CRISP2: variants seen among roughly 807,000 people sequenced by gnomAD.
The protein encoded by CRISP2 is cysteine rich secretory protein 2, also known as cysteine-rich secretory protein 2.
CRISP2 carries 29 observed loss-of-function variants against 31.7 expected under a neutral mutation model. The ratio of observed to expected loss-of-function variants is 0.92; its 90% CI spans 0.68 to 1.25. The LOEUF is 1.25. Among genes scored for constraint, CRISP2 ranks in the 50% most tolerant of loss-of-function variants. CRISP2 has a pLI of 0.00. For synonymous variants in CRISP2, 111 were observed against 101.4 expected (o/e 1.09, Z -0.57); for missense variants, 318 against 286.5 (o/e 1.11, Z -0.79).
intron 4 of CRISP2, among the ~76,000 whole-genome samples, chr6:49,701,401 G>A (rs769137188): frequency 4.7e-5 from 7 of 149,752 alleles, no homozygotes; most frequent in South Asian, 2.1e-4. Context: ...TCTGAGTTAC[G>A]TCACTTGGAA....
downstream of CRISP2, among the ~76,000 whole-genome samples, chr6:49,688,802 A>G (rs139410965): frequency 3.8e-3 from 577 of 152,302 alleles, 1 homozygote; most frequent in African/African-American, 0.013. Context: ...CAGTTACATT[A>G]TCTTTATAGT....
the CRISP2 span, among the ~76,000 whole-genome samples, chr6:49,682,619 CTTT>C: frequency 4.5e-4 from 32 of 70,526 alleles, no homozygotes; most frequent in South Asian, 0.018. Flanking sequence ...TTCTTTCTTT[CTTT>C]CTTTCTTTCT....
At chr6:49,692,978 G>A in intron 9 of CRISP2, 78 bp from the exon 10 acceptor site, 1 of 1,462,860 alleles carries the variant, frequency 6.8e-7, no homozygotes, top group African/African-American at 1.4e-5. Flanking sequence ...AGTGTGTGGG[G>A]AGGGGGTAGG....
intron 5 of CRISP2, among the ~76,000 whole-genome samples, chr6:49,700,278 A>G (rs1406857657): frequency 2.0e-5 from 3 of 152,148 alleles, no homozygotes; most frequent in Non-Finnish European, 2.9e-5. Context: ...CATTGCTTTC[A>G]TATCGGAGAT....
Position 49,698,460 on chromosome 6 carries a change from A to G in CRISP2, c.319T>C (p.Trp107Arg), listed in dbSNP as rs201729566. The G allele has an allele frequency of 1.1e-5, 17 of 1,613,398 alleles. No individual in the cohort carries two copies. The East Asian group carries it at 3.6e-4, about 34-fold the overall frequency. Residue 107 changes from tryptophan (W) to arginine (R), a missense_variant, in exon 7 of 10, where the codon TGG becomes CGG. Coordinates refer to ENST00000339139, the MANE Select transcript of CRISP2 (RefSeq NM_003296.4). ...TACCAGCTTTGGATTGCAGAAGACCAGGAAGTAGGGTCACTTGACATATAG... is the reference window on the plus strand; with the variant it reads ...TACCAGCTTTGGATTGCAGAAGACCGGGAAGTAGGGTCACTTGACATATAG... ...NLYMSSDPTS[W>R]SSAIQSWYDE...
rs1315873992 is a variant in CRISP2 at position 49,701,509 on chromosome 6, T to TACAC, written c.67-726_67-725insGTGT. On this transcript the variant is annotated intron_variant, in intron 4 of 9. Transcript: ENST00000339139. ...ACGTGTGTGTGTGTGTGTATATATATATATATATATATATATACACACACA... is the reference window on the plus strand; with the variant it reads ...ACGTGTGTGTGTGTGTGTATATATATACACATATATATATATATATACACACACA... 3.9e-5 allele frequency among the ~76,000 whole-genome samples: 5 copies of TACAC among 127,192 alleles called. 1 individual carries two copies. Among genetic ancestry groups the TACAC allele is most frequent in the Non-Finnish European group, 6.4e-5 (4 of 62,326 alleles). 83.4% of individuals were successfully genotyped at this position (127,192 alleles called of 152,430 possible). A position where few individuals can be genotyped will look rare whatever the true frequency, so the allele number is the denominator to read the frequency against.
At chr6:49,682,640 TTTC>T in the CRISP2 span, among the ~76,000 whole-genome samples, 25 of 74,926 alleles carry the variant, frequency 3.3e-4, no homozygotes, top group African/African-American at 7.5e-4. Context: ...TCTTTCTTTC[TTTC>T]TTCTTTCTTT....
At chr6:49,681,127 G>A in the CRISP2 span, among the ~76,000 whole-genome samples, 5 of 152,062 alleles carry the variant, frequency 3.3e-5, no homozygotes, top group African/African-American at 4.8e-5. Flanking sequence ...ATAGTTTTGG[G>A]TTTTACATTT....
chr6:49,686,588 C>A, the CRISP2 span, among the ~76,000 whole-genome samples: 1 of 152,208 alleles, frequency 6.6e-6, no homozygotes, highest in Non-Finnish European at 1.5e-5. Flanking sequence ...AATAGGAACA[C>A]TTTTACACTG....
At chr6:49,690,605 T>C (rs1764019404), downstream of CRISP2, among the ~76,000 whole-genome samples, 1 of 152,098 alleles carries the variant, frequency 6.6e-6, no homozygotes, top group Admixed American at 6.6e-5. Context: ...ATCATAATGT[T>C]CACTGAAAAT....
chr6:49,709,947 T>A (rs945558852), intron 3 of CRISP2, among the ~76,000 whole-genome samples: 1 of 152,210 alleles, frequency 6.6e-6, no homozygotes, highest in African/African-American at 2.4e-5. Flanking sequence ...TTTCTCAATA[T>A]GTCAAAAAGT....
intron 3 of CRISP2, 128 bp downstream of exon 3, chr6:49,711,157 A>G (rs1767941020): frequency 6.9e-6 from 1 of 145,452 alleles, no homozygotes; most frequent in Non-Finnish European, 1.5e-5. Context: ...AAACAAACAA[A>G]CAAACAGACA....
At chr6:49,690,284 C>T (rs1764008815), downstream of CRISP2, among the ~76,000 whole-genome samples, 1 of 151,992 alleles carries the variant, frequency 6.6e-6, no homozygotes, top group Non-Finnish European at 1.5e-5. Flanking sequence ...ACAGGTTTCT[C>T]CTGGGGTAAC....
In CRISP2 at chr6:49,697,862, A is replaced by G; in HGVS notation, c.513T>C (p.Pro171=). ...LKYYYVCQYC[P]AGNNMNRKNT... ...TAAACTCTAAACAGTCTACTTACGC[A>G]GGACAATATTGGCAAACATAGTAGT... The change falls in exon 8 of 10, where the codon CCT becomes CCC. Residue 171 remains proline, a splice_region_variant and synonymous_variant. Coordinates refer to ENST00000339139, the MANE Select transcript of CRISP2 (RefSeq NM_003296.4). 3.1e-6 allele frequency: 5 copies of G among 1,611,176 alleles called. No individual in the cohort carries two copies. Among genetic ancestry groups the G allele is most frequent in the Non-Finnish European group, 4.2e-6 (5 of 1,178,050 alleles).
the CRISP2 span, among the ~76,000 whole-genome samples, chr6:49,687,340 G>C: frequency 2.3e-4 from 35 of 152,202 alleles, no homozygotes; most frequent in East Asian, 6.7e-3. Context: ...ATATGAACTA[G>C]CATATGTAGT....
Position 49,695,827 on chromosome 6 carries a change from CA to C in CRISP2, c.604+8del. The stretch of plus-strand genomic sequence containing the variant: ...ATAAATAATAGCAAGCTAATCACTT[CA>C]AACTTACTGCATAGTCCTTTGTCAC... On this transcript the variant is annotated splice_region_variant and intron_variant, in intron 9 of 9. Coordinates refer to ENST00000339139, the MANE Select transcript of CRISP2 (RefSeq NM_003296.4). 2 of 1,588,458 alleles carry C rather than the reference CA, an allele frequency of 1.3e-6. No homozygotes were observed.
chr6:49,680,071 G>A, the CRISP2 span, among the ~76,000 whole-genome samples: 22,568 of 152,062 alleles, frequency 0.15, 1,750 homozygotes, highest in African/African-American at 0.18. Context: ...TATCATAGCA[G>A]TTTGTTGTAC....
chr6:49,691,793 A>G (rs62413606), downstream of CRISP2, among the ~76,000 whole-genome samples: 90 of 152,184 alleles, frequency 5.9e-4, no homozygotes, highest in Non-Finnish European at 1.2e-3. Flanking sequence ...TGGAAGCTTT[A>G]AGATTATTAA....
intron 8 of CRISP2, 177 bp downstream of exon 8, chr6:49,697,683 T>C: frequency 6.7e-7 from 1 of 1,503,330 alleles, no homozygotes; most frequent in Admixed American, 2.0e-5. Flanking sequence ...TACCTGAAAG[T>C]GAGAAGTTGT....
Sources: allele counts gnomAD v4.1 joint callset (sites outside exome capture counted in the v4.1 genomes callset), GRCh38; gene constraint gnomAD v4.1.1; transcripts MANE v1.5; gene names NCBI Gene and HGNC (gene_info 2026-07-23, HGNC 2026-07-21).